Variants in PALB2 observed in about 807,000 individuals in gnomAD.
The protein encoded by PALB2 is partner and localizer of BRCA2.
Under a neutral mutation model 107.4 loss-of-function variants are expected in PALB2, and 82 were observed. That is an observed-to-expected ratio of 0.76 (90% CI 0.64 to 0.92). The LOEUF is 0.92. Ranked by LOEUF, PALB2 falls within the 40% of genes least tolerant of loss-of-function variation. The probability of loss-of-function intolerance (pLI) is 0.00; values close to 1 mark genes in which losing one functional copy is unlikely to be tolerated. For missense variants in PALB2, 1,374 were observed against 1,379.9 expected (o/e 1.00, Z 0.07); for synonymous variants, 489 against 496.8 (o/e 0.98, Z 0.21).
chr16:23,603,402 A>C lies in PALB2; in HGVS notation c.*57T>G, dbSNP rs1421785673. 2 of 1,445,426 alleles carry C rather than the reference A, an allele frequency of 1.4e-6. No homozygotes were observed. The highest frequency in any genetic ancestry group is 1.9e-6 in the Non-Finnish European group (2 of 1,028,222). 89.5% of individuals were successfully genotyped at this position (1,445,426 alleles called of 1,614,324 possible). A position where few individuals can be genotyped will look rare whatever the true frequency, so the allele number is the denominator to read the frequency against. The stretch of plus-strand genomic sequence containing the variant: ...TATTCTCCTTTATATTTAAAACTCC[A>C]AAAAATACTAAGAGGCCCAATATAT... On this transcript the variant is annotated 3_prime_UTR_variant, in exon 13 of 13. Transcript: ENST00000261584.
At chr16:23,630,500 A>T in intron 4 of PALB2, 31 bp from the exon 5 acceptor site, 1 of 1,457,890 alleles carries the variant, frequency 6.9e-7, no homozygotes, top group Non-Finnish European at 9.5e-7. Flanking sequence ...ACAAAATAGT[A>T]ACAAAACCCA....
intron 9 of PALB2, among the ~76,000 whole-genome samples, chr16:23,622,645 C>T (rs1324051941): frequency 6.6e-6 from 1 of 152,194 alleles, no homozygotes; most frequent in Non-Finnish European, 1.5e-5. Context: ...TCTGCCTTGG[C>T]CTCCCAAAGG....
intron 10 of PALB2, among the ~76,000 whole-genome samples, chr16:23,619,936 C>T (rs185954544): frequency 3.9e-5 from 6 of 152,164 alleles, no homozygotes; most frequent in African/African-American, 1.2e-4. Flanking sequence ...TGCACCACCA[C>T]GCCTGGCTAA....
chr16:23,633,146 A>T (rs1966902205), intron 4 of PALB2, among the ~76,000 whole-genome samples: 1 of 152,198 alleles, frequency 6.6e-6, no homozygotes, highest in African/African-American at 2.4e-5. Context: ...AGATTACTGG[A>T]TTGCCTACTT....
At chr16:23,610,559 G>A (rs1474023333) in intron 11 of PALB2, among the ~76,000 whole-genome samples, 6 of 151,252 alleles carry the variant, frequency 4.0e-5, no homozygotes, top group African/African-American at 9.7e-5. Flanking sequence ...TGCCCGCCTC[G>A]GCCTCACAAA....
At chr16:23,608,801 T>TACACACACAC (rs10525601) in intron 11 of PALB2, among the ~76,000 whole-genome samples, 108 of 143,798 alleles carry the variant, frequency 7.5e-4, no homozygotes, top group African/African-American at 2.5e-3. Flanking sequence ...TGTATATATA[T>TACACACACAC]ACACACACAC....
chr16:23,608,237 T>C (rs1966518079), intron 11 of PALB2, among the ~76,000 whole-genome samples: 1 of 151,958 alleles, frequency 6.6e-6, no homozygotes, highest in Non-Finnish European at 1.5e-5. Context: ...TTTTTTTTTT[T>C]AGAGACAAGG....
intron 10 of PALB2, among the ~76,000 whole-genome samples, chr16:23,618,907 C>T (rs983946993): frequency 2.0e-5 from 3 of 152,192 alleles, no homozygotes; most frequent in Non-Finnish European, 4.4e-5. Flanking sequence ...GACAACAGGA[C>T]ATCTGAAAGC....
intron 1 of PALB2, chr16:23,640,696 T>C (rs1377379763): frequency 3.9e-6 from 1 of 257,430 alleles, no homozygotes; most frequent in Non-Finnish European, 7.5e-6. Flanking sequence ...AAAATATACA[T>C]AGGATTCCTT....
At chr16:23,606,331 G>A (rs955450128) in intron 12 of PALB2, among the ~76,000 whole-genome samples, 9 of 152,030 alleles carry the variant, frequency 5.9e-5, no homozygotes, top group African/African-American at 1.7e-4. Context: ...GTGTGAACCC[G>A]GGAGGCAGAG....
chr16:23,624,478 T>C (rs560370566), intron 7 of PALB2, among the ~76,000 whole-genome samples: 3 of 152,332 alleles, frequency 2.0e-5, no homozygotes, highest in East Asian at 1.9e-4. Context: ...AGAGCAAGAA[T>C]GAGGTATATT....
At chr16:23,622,925 C>A (rs2142333696) in intron 9 of PALB2, 44 bp downstream of exon 9, 1 of 1,610,168 alleles carries the variant, frequency 6.2e-7, no homozygotes, top group Non-Finnish European at 8.5e-7. Context: ...GTGATAAAAT[C>A]ATTCTTCATC....
chr16:23,626,602 T>C (rs1217201898), intron 6 of PALB2, among the ~76,000 whole-genome samples: 1 of 152,180 alleles, frequency 6.6e-6, no homozygotes, highest in Non-Finnish European at 1.5e-5. Flanking sequence ...GATTTTATTT[T>C]TTATTTATTT....
intron 11 of PALB2, among the ~76,000 whole-genome samples, chr16:23,608,795 T>TACACACACAC (rs1421547760): frequency 2.6e-5 from 3 of 113,250 alleles, no homozygotes; most frequent in Non-Finnish European, 3.8e-5. Context: ...TATGTGTGTA[T>TACACACACAC]ATATATACAC....
At chr16:23,613,300 A>G (rs1429259589) in intron 11 of PALB2, among the ~76,000 whole-genome samples, 2 of 152,316 alleles carry the variant, frequency 1.3e-5, no homozygotes, top group Non-Finnish European at 2.9e-5. Context: ...TATTAGTGCA[A>G]GAGCTGAGTA....
At chr16:23,619,607 G>A (rs541046316) in intron 10 of PALB2, among the ~76,000 whole-genome samples, 1 of 152,122 alleles carries the variant, frequency 6.6e-6, no homozygotes, top group East Asian at 1.9e-4. Flanking sequence ...TAGTTACAGT[G>A]ATATTAATAT....
chr16:23,634,929 A>C lies in PALB2; in HGVS notation c.1617T>G (p.Val539=). The C allele has an allele frequency of 6.2e-7, 1 of 1,614,180 alleles. No individual in the cohort carries two copies. The highest frequency in any genetic ancestry group is 2.2e-5 in the East Asian group (1 of 44,882). ...AGGTGACTTCTTCCTTGGACCTGTT[A>C]ACAATCGACAGGCTAGAAGTTGGCA... ...PLLPTSSLSI[V]NRSKEEVTSH... Residue 539 remains valine (V), a synonymous_variant, in exon 4 of 13, where the codon GTT becomes GTG. Coordinates refer to ENST00000261584, the MANE Select transcript of PALB2 (RefSeq NM_024675.4).
intron 11 of PALB2, among the ~76,000 whole-genome samples, chr16:23,610,775 C>T (rs573875098): frequency 1.3e-5 from 2 of 152,124 alleles, no homozygotes; most frequent in Admixed American, 6.5e-5. Context: ...TGGTGGCTTA[C>T]GCCTGTAATC....
chr16:23,638,304 T>C (rs1967118110), intron 1 of PALB2, among the ~76,000 whole-genome samples, 175 bp from the exon 2 acceptor site: 1 of 152,230 alleles, frequency 6.6e-6, no homozygotes, highest in African/African-American at 2.4e-5. Flanking sequence ...GATCTTTGCA[T>C]AACCTGTTCC....
Sources: allele counts gnomAD v4.1 joint callset (sites outside exome capture counted in the v4.1 genomes callset), GRCh38; gene constraint gnomAD v4.1.1; transcripts MANE v1.5; gene names NCBI Gene and HGNC (gene_info 2026-07-23, HGNC 2026-07-21).